The following MED19 variants were observed in gnomAD, a reference collection of about 807,000 sequenced individuals.
MED19 encodes the protein mediator of RNA polymerase II transcription subunit 19.
In MED19, 4 loss-of-function variants were observed where a neutral mutation model predicts 19.9. The ratio of observed to expected loss-of-function variants is 0.20; its 90% CI spans 0.10 to 0.46. The LOEUF is 0.46. Among genes scored for constraint, MED19 ranks in the 20% least tolerant of loss-of-function variants. MED19 has a pLI of 0.99. For synonymous variants in MED19, 139 were observed against 119.6 expected (o/e 1.16, Z -1.06); for missense variants, 303 against 318.7 (o/e 0.95, Z 0.38).
intron 1 of MED19, among the ~76,000 whole-genome samples, chr11:57,709,864 T>C (rs1946544883): frequency 6.6e-6 from 1 of 152,110 alleles, no homozygotes; most frequent in Admixed American, 6.5e-5. Context: ...CCTGGCCCTG[T>C]ATTCAATTTT....
exon 5 of MED19, chr11:57,704,019 A>G (rs900991532): frequency 1.3e-6 from 2 of 1,535,924 alleles, no homozygotes; most frequent in African/African-American, 1.4e-5. Context: ...CCATCCTGGC[A>G]AAGAGTCCAG....
chr11:57,709,988 T>C (rs1327483122), intron 1 of MED19, among the ~76,000 whole-genome samples: 5 of 152,234 alleles, frequency 3.3e-5, no homozygotes, highest in Non-Finnish European at 7.3e-5. Flanking sequence ...AACTTCTGAC[T>C]AATTTCCCCA....
At chr11:57,705,171 G>A in exon 2 of MED19, 2 of 1,614,152 alleles carry the variant, frequency 1.2e-6, no homozygotes, top group Non-Finnish European at 1.7e-6. Context: ...ATTTATTATA[G>A]GCTTGTTCCA....
chr11:57,704,857 A>G, intron 2 of MED19, 42 bp from the exon 3 acceptor site: 1 of 1,610,480 alleles, frequency 6.2e-7, no homozygotes, highest in Non-Finnish European at 8.5e-7. Flanking sequence ...AGAGGGAGGA[A>G]ATCTCTCCTG....
chr11:57,706,714 G>A lies in MED19; in HGVS notation c.218-1485C>T, dbSNP rs376951772. ...GGCCACTGCACTCCAGTTTGGGTGA[G>A]AGAGTGAGACCCTGTCTCAAAAAAA... On this transcript the variant is annotated intron_variant, in intron 1 of 4. Coordinates refer to ENST00000431606, the Ensembl canonical transcript of MED19. Among the ~76,000 whole-genome samples the A allele has an allele frequency of 2.0e-4, 31 of 152,238 alleles. No homozygotes were observed. In the East Asian group the frequency reaches 2.9e-3, roughly 14 times the overall value.
Sources: allele counts gnomAD v4.1 joint callset (sites outside exome capture counted in the v4.1 genomes callset), GRCh38; gene constraint gnomAD v4.1.1; transcripts MANE v1.5; gene names NCBI Gene and HGNC (gene_info 2026-07-23, HGNC 2026-07-21).